The following SPOCK1 variants were observed in gnomAD, a reference collection of about 807,000 sequenced individuals.
The protein encoded by SPOCK1 is testican-1.
SPOCK1 carries 23 observed loss-of-function variants against 55.3 expected under a neutral mutation model. The ratio of observed to expected loss-of-function variants is 0.42; its 90% confidence interval spans 0.30 to 0.59. The LOEUF (loss-of-function observed/expected upper bound fraction) is 0.59, where lower values mean the gene tolerates loss of function less well. SPOCK1 is among the 20% of genes least tolerant of loss of function. The pLI, the probability that SPOCK1 is intolerant of heterozygous loss-of-function variation, is 0.22. For missense variants in SPOCK1, 499 were observed against 552.5 expected (o/e 0.90, Z 0.97); for synonymous variants, 226 against 221.0 (o/e 1.02, Z -0.20).
At chr5:137,235,901 TG>T (rs1756171522) in intron 3 of SPOCK1, among the ~76,000 whole-genome samples, 1 of 152,214 alleles carries the variant, frequency 6.6e-6, no homozygotes, top group African/African-American at 2.4e-5. Context: ...TGAAAGTCTG[TG>T]TTTAAAGCCT....
intron 2 of SPOCK1, among the ~76,000 whole-genome samples, chr5:137,406,717 G>A (rs905682298): frequency 2.6e-5 from 4 of 152,220 alleles, no homozygotes; most frequent in Non-Finnish European, 5.9e-5. Context: ...TAGGGGCCAA[G>A]AACACACACT....
intron 2 of SPOCK1, among the ~76,000 whole-genome samples, chr5:137,314,147 C>A (rs916541080): frequency 6.6e-6 from 1 of 152,016 alleles, no homozygotes; most frequent in African/African-American, 2.4e-5. Flanking sequence ...CAGCCCCTCC[C>A]CAGCCTGACA....
At chr5:137,370,239 T>C (rs1751169850) in intron 2 of SPOCK1, among the ~76,000 whole-genome samples, 1 of 151,932 alleles carries the variant, frequency 6.6e-6, no homozygotes, top group Admixed American at 6.6e-5. Flanking sequence ...CCTCCAGGGG[T>C]ATGAAAGGAA....
chr5:137,071,809 C>G (rs1191777217), intron 5 of SPOCK1, among the ~76,000 whole-genome samples: 9 of 152,136 alleles, frequency 5.9e-5, no homozygotes, highest in Non-Finnish European at 2.9e-5. Flanking sequence ...ATCACTTTCC[C>G]TCATCCTCCC....
intron 6 of SPOCK1, among the ~76,000 whole-genome samples, chr5:137,056,918 A>C (rs1429323183): frequency 6.6e-6 from 1 of 152,076 alleles, no homozygotes; most frequent in African/African-American, 2.4e-5. Context: ...TTCATTCAAG[A>C]TCCTTCTACA....
At chr5:137,495,225 G>A (rs1052117034) in intron 2 of SPOCK1, among the ~76,000 whole-genome samples, 1 of 152,194 alleles carries the variant, frequency 6.6e-6, no homozygotes, top group African/African-American at 2.4e-5. Flanking sequence ...GGGATAGGAA[G>A]TATTTATACA....
In SPOCK1 at chr5:137,498,516, A is replaced by C; in HGVS notation, c.43T>G (p.Cys15Gly). 6.4e-7 allele frequency: 1 copy of C among 1,560,688 alleles called. No individual in the cohort carries two copies. The highest frequency in any genetic ancestry group is 8.6e-7 in the Non-Finnish European group (1 of 1,159,664). ...TGCCGGCTCTCGACTTGGAGGAAGC[A>C]CCACGCCGCGGCGGCCGCCGCCAAC... ...AVLAAAAAAWCFLQVESRHLD... is the reference protein window; with the variant it reads ...AVLAAAAAAWGFLQVESRHLD... Residue 15 changes from cysteine to glycine, a missense_variant, in exon 2 of 11, where the codon TGC becomes GGC. Physicochemically the swap from Cys to Gly is radical, Grantham distance 159. Coordinates refer to ENST00000394945, the MANE Select transcript of SPOCK1 (RefSeq NM_004598.4).
intron 4 of SPOCK1, among the ~76,000 whole-genome samples, chr5:137,114,497 T>C (rs571072083): frequency 1.8e-4 from 27 of 152,372 alleles, no homozygotes; most frequent in African/African-American, 6.3e-4. Context: ...ACCTTGGCTT[T>C]GCCCTCTGGA....
chr5:136,999,425 A>G (rs1244565072), intron 6 of SPOCK1, among the ~76,000 whole-genome samples: 1 of 152,084 alleles, frequency 6.6e-6, no homozygotes, highest in Non-Finnish European at 1.5e-5. Flanking sequence ...CTCAGACAAA[A>G]CCAGGGGCTA....
chr5:137,477,682 T>C (rs1431724327), intron 2 of SPOCK1, among the ~76,000 whole-genome samples: 1 of 152,120 alleles, frequency 6.6e-6, no homozygotes, highest in African/African-American at 2.4e-5. Flanking sequence ...CCCCACTTAC[T>C]CTCCAGGGAA....
At chr5:137,128,032 T>C (rs960480593) in intron 4 of SPOCK1, among the ~76,000 whole-genome samples, 3 of 152,074 alleles carry the variant, frequency 2.0e-5, no homozygotes, top group Admixed American at 6.5e-5. Flanking sequence ...TAATCCCCAA[T>C]GTGAGGGTAT....
intron 2 of SPOCK1, among the ~76,000 whole-genome samples, chr5:137,277,467 A>G (rs2961639): frequency 0.81 from 122,609 of 152,098 alleles, 50,065 homozygotes; most frequent in African/African-American, 0.94. Flanking sequence ...TAACCACTAC[A>G]TACTACTGCT....
At chr5:137,336,661 C>T (rs1002161611) in intron 2 of SPOCK1, among the ~76,000 whole-genome samples, 1 of 152,170 alleles carries the variant, frequency 6.6e-6, no homozygotes, top group Non-Finnish European at 1.5e-5. Context: ...AATCAGGCTG[C>T]ACAAACTACC....
chr5:137,474,492 T>C (rs1753798633), intron 2 of SPOCK1, among the ~76,000 whole-genome samples: 1 of 152,140 alleles, frequency 6.6e-6, no homozygotes, highest in Non-Finnish European at 1.5e-5. Flanking sequence ...TTAAAGTGGC[T>C]CAAAGTAATG....
chr5:137,090,098 T>C (rs1246545937), intron 5 of SPOCK1, among the ~76,000 whole-genome samples: 1 of 152,204 alleles, frequency 6.6e-6, no homozygotes, highest in Non-Finnish European at 1.5e-5. Context: ...GCCCATCACT[T>C]AGAACAACAG....
chr5:137,093,268 G>C (rs1388970277), intron 5 of SPOCK1, among the ~76,000 whole-genome samples: 2 of 152,194 alleles, frequency 1.3e-5, no homozygotes, highest in African/African-American at 4.8e-5. Flanking sequence ...AGAGCAATTA[G>C]AAGAGGCTAG....
At chr5:137,375,503 G>A (rs1354856655) in intron 2 of SPOCK1, among the ~76,000 whole-genome samples, 4 of 152,164 alleles carry the variant, frequency 2.6e-5, no homozygotes, top group Admixed American at 2.6e-4. Flanking sequence ...AGGTGATAAG[G>A]TTACAAATGA....
chr5:137,455,190 A>G (rs1004908681), intron 2 of SPOCK1, among the ~76,000 whole-genome samples: 2 of 152,204 alleles, frequency 1.3e-5, no homozygotes, highest in African/African-American at 4.8e-5. Context: ...GGATAATATT[A>G]CTTCACTTTC....
intron 3 of SPOCK1, among the ~76,000 whole-genome samples, chr5:137,194,942 G>C (rs906433291): frequency 6.6e-6 from 1 of 152,108 alleles, no homozygotes; most frequent in Non-Finnish European, 1.5e-5. Context: ...GGCTCCACAG[G>C]TTTAACCACA....
Sources: gnomAD v4.1 joint callset for allele counts (sites outside exome capture counted in the v4.1 genomes callset) on GRCh38, gnomAD v4.1.1 for gene constraint, MANE v1.5 for transcripts, NCBI Gene and HGNC (gene_info 2026-07-23, HGNC 2026-07-21) for gene names.